PNISR: variants seen among roughly 807,000 people sequenced by gnomAD.
PNISR encodes the protein arginine/serine-rich protein PNISR.
In PNISR, 20 loss-of-function variants were observed where a neutral mutation model predicts 93.4. The ratio of observed to expected loss-of-function variants is 0.21; its 90% CI spans 0.15 to 0.31. The LOEUF (loss-of-function observed/expected upper bound fraction) is 0.31, where lower values mean the gene tolerates loss of function less well. PNISR is among the 10% of genes least tolerant of loss of function. The probability of loss-of-function intolerance (pLI) is 1.00; values close to 1 mark genes in which losing one functional copy is unlikely to be tolerated. For synonymous variants in PNISR, 305 were observed against 306.5 expected, an observed-to-expected ratio of 0.99 and a Z score of 0.05; for missense variants, 893 against 985.4, an observed-to-expected ratio of 0.91 and a Z score of 1.25.
intron 6 of PNISR, among the ~76,000 whole-genome samples, chr6:99,408,781 A>G (rs1001890227): frequency 3.9e-5 from 6 of 152,224 alleles, no homozygotes; most frequent in African/African-American, 1.2e-4. Context: ...TGAAATAACC[A>G]GAGGAAAATT....
chr6:99,407,434 G>C (rs563803663), intron 7 of PNISR, among the ~76,000 whole-genome samples: 3 of 151,542 alleles, frequency 2.0e-5, no homozygotes, highest in Non-Finnish European at 4.4e-5. Context: ...ATTTTGCATA[G>C]ATCTTTTGGG....
chr6:99,409,366 T>C, intron 5 of PNISR, 22 bp from the exon 6 acceptor site: 1 of 1,609,200 alleles, frequency 6.2e-7, no homozygotes, highest in East Asian at 2.2e-5. Context: ...TTGCAGTTTA[T>C]TTTTTCTTCA....
intron 6 of PNISR, among the ~76,000 whole-genome samples, chr6:99,408,626 C>G (rs1396428277): frequency 1.3e-5 from 2 of 152,186 alleles, no homozygotes; most frequent in Admixed American, 1.3e-4. Context: ...GATTTATTAA[C>G]AAATGCTCCT....
intron 1 of PNISR, among the ~76,000 whole-genome samples, chr6:99,417,467 T>C (rs1408409994): frequency 1.3e-5 from 2 of 152,204 alleles, no homozygotes; most frequent in African/African-American, 2.4e-5. Flanking sequence ...AAGTAAATTA[T>C]GCTCTAACCC....
chr6:99,412,046 C>G (rs1777005969), intron 4 of PNISR: 1 of 294,944 alleles, frequency 3.4e-6, no homozygotes, highest in Non-Finnish European at 6.7e-6. Context: ...ATAAAACAAA[C>G]AAAAAAGTAA....
At chr6:99,402,274 A>G (rs996521721) in intron 11 of PNISR, among the ~76,000 whole-genome samples, 5 of 152,236 alleles carry the variant, frequency 3.3e-5, no homozygotes, top group African/African-American at 9.6e-5. Flanking sequence ...ATAGTCTTAC[A>G]AATATATTTT....
chr6:99,404,780 G>A (rs1158391413), intron 8 of PNISR, 78 bp from the exon 9 acceptor site: 1 of 758,108 alleles, frequency 1.3e-6, no homozygotes, highest in Non-Finnish European at 2.2e-6. Flanking sequence ...ATATTAAAAT[G>A]CAAAGCCATT....
Position 99,400,629 on chromosome 6 carries a change from T to C in PNISR, c.2329A>G (p.Lys777Glu). 6.2e-7 allele frequency: 1 copy of C among 1,614,108 alleles called. No individual in the cohort carries two copies. Among genetic ancestry groups the C allele is most frequent in the Non-Finnish European group, 8.5e-7 (1 of 1,179,984 alleles). The change falls in exon 12 of 12, where the codon AAA becomes GAA. Residue 777 changes from lysine (K) to glutamate (E), a missense_variant. By Grantham distance (56) the Lys-to-Glu change is moderately conservative. Around this residue, in one of 3 missense-constraint regions of PNISR, gnomAD observed 866 missense variants for 935.1 expected, o/e 0.93. Transcript: ENST00000369239. ...TCCACGGATCGCGATCGACTATGTT[T>C]AGGCTTCTTAGCCTTCTTTTCTTTG... ...SSKEKKAKKPKHSRSRSVEKS... is the reference protein window; with the variant it reads ...SSKEKKAKKPEHSRSRSVEKS...
In PNISR at chr6:99,400,895, T is replaced by C. The variant is rs1775388492; in HGVS notation, c.2063A>G (p.Gln688Arg). The C allele has an allele frequency of 6.4e-7, 1 of 1,573,046 alleles. No individual in the cohort carries two copies. Among genetic ancestry groups the C allele is most frequent in the African/African-American group, 1.4e-5 (1 of 73,686 alleles). The change falls in exon 12 of 12, where the codon CAG becomes CGG. Residue 688 changes from glutamine (Q) to arginine (R), a missense_variant. This residue lies in a region of PNISR where 866 missense variants were observed against 935.1 expected (regional missense o/e 0.93). Coordinates refer to ENST00000369239, the MANE Select transcript of PNISR (RefSeq NM_032870.4). ...TTTTTGTTTCTCTTTTCTTTTATCC[T>C]GTTCACGTTCCCTTTCTTTGTCTTT... ...KKKDKERERE[Q>R]DKRKEKQKRE...
At chr6:99,402,842 G>T in intron 10 of PNISR, 132 bp from the exon 11 acceptor site, 1 of 619,984 alleles carries the variant, frequency 1.6e-6, no homozygotes, top group Non-Finnish European at 2.6e-6. Context: ...ATTCGGGGTG[G>T]GGAGAAGTAT....
intron 11 of PNISR, 100 bp downstream of exon 11, chr6:99,402,439 TA>T: frequency 1.1e-6 from 1 of 882,408 alleles, no homozygotes; most frequent in Non-Finnish European, 1.6e-6. Flanking sequence ...ATATTATTTA[TA>T]ATATAGCCTT....
rs978136444 is a variant in PNISR, at chr6:99,399,352, G to A, written c.*1188C>T. On this transcript the variant is annotated 3_prime_UTR_variant, in exon 12 of 12. Coordinates refer to ENST00000369239, the MANE Select transcript of PNISR (RefSeq NM_032870.4). ...GACCACTCACTAATCATAATTTTAA[G>A]AAACGGACAAAATCAGACAATTTTA... 6 of 152,004 alleles carry A rather than the reference G, an allele frequency of 3.9e-5. No homozygotes were observed. Among genetic ancestry groups the A allele is most frequent in the African/African-American group, 1.2e-4 (5 of 41,418 alleles). The allele number at this position is 152,004 out of a possible 1,614,324, so 9.4% of individuals were successfully genotyped here. A position where few individuals can be genotyped will look rare whatever the true frequency, so the allele number is the denominator to read the frequency against.
In PNISR at chr6:99,403,878, A is replaced by G; in HGVS notation, c.1107T>C (p.Pro369=). Residue 369 remains proline (P), a synonymous_variant, in exon 10 of 12, where the codon CCT becomes CCC. Transcript: ENST00000369239. ...KDAHRKATKA[P]AKQLAQSSAL... ...CACTGGACTGTGCCAGCTGTTTTGCAGGAGCTTTGTATCACATCAACAACA... is the reference window on the plus strand; with the variant it reads ...CACTGGACTGTGCCAGCTGTTTTGCGGGAGCTTTGTATCACATCAACAACA... 1 of 1,612,730 alleles carries G rather than the reference A, an allele frequency of 6.2e-7. No individual in the cohort carries two copies. Among genetic ancestry groups the G allele is most frequent in the Non-Finnish European group, 8.5e-7 (1 of 1,179,026 alleles).
intron 3 of PNISR, among the ~76,000 whole-genome samples, chr6:99,413,040 A>G (rs190060052): frequency 8.7e-4 from 132 of 152,336 alleles, no homozygotes; most frequent in African/African-American, 3.0e-3. Flanking sequence ...TAATTCATAT[A>G]AAATTTATCC....
chr6:99,414,613 T>C lies in PNISR; in HGVS notation c.47A>G (p.Gln16Arg). 2 of 1,608,488 alleles carry C rather than the reference T, an allele frequency of 1.2e-6. No individual in the cohort carries two copies. Among genetic ancestry groups the C allele is most frequent in the Non-Finnish European group, 1.7e-6 (2 of 1,175,384 alleles). Residue 16 changes from glutamine to arginine, a missense_variant, in exon 3 of 12, where the codon CAG becomes CGG. This residue lies in a region of PNISR where 24 missense variants were observed against 32.9 expected (regional missense o/e 0.73). Transcript: ENST00000369239. ...CTGGAATGACTGCATCCATTGTTGC[T>C]GGTTCAAGGGCCACTGCTGCCAAGG... ...GQPWQQWPLN[Q>R]QQWMQSFQHQ...
chr6:99,409,798 TTAAA>T (rs1258626131), intron 5 of PNISR: 1 of 153,696 alleles, frequency 6.5e-6, no homozygotes, highest in Non-Finnish European at 1.4e-5. Flanking sequence ...TAATGAATCA[TTAAA>T]TATTTTCTGC....
In PNISR at chr6:99,404,660, C is replaced by T. The variant is rs1196685680; in HGVS notation, c.1045G>A (p.Val349Ile). ...ACGTAATAAATTTCTTCATCTGTGA[C>T]ATCCAGCAGAATTTCTGTTAGAAGC... ...KMLLTEILLD[V>I]TDEEIYYVAK... is the part of the protein sequence containing the mutation. The change falls in exon 9 of 12, where the codon GTC becomes ATC. Residue 349 changes from valine (V) to isoleucine (I), a missense_variant. Physicochemically the swap from Val to Ile is conservative, Grantham distance 29. This residue lies in a region of PNISR where 866 missense variants were observed against 935.1 expected (regional missense o/e 0.93). Transcript: ENST00000369239. The T allele has an allele frequency of 2.5e-6, 4 of 1,605,832 alleles. No individual in the cohort carries two copies.
chr6:99,422,175 A>G (rs944565581), intron 1 of PNISR, among the ~76,000 whole-genome samples: 11 of 152,220 alleles, frequency 7.2e-5, no homozygotes, highest in African/African-American at 2.7e-4. Flanking sequence ...CAAAATGACA[A>G]TCATTAATAT....
At chr6:99,403,801 C>A in intron 10 of PNISR, 28 bp downstream of exon 10, 1 of 1,561,234 alleles carries the variant, frequency 6.4e-7, no homozygotes, top group Non-Finnish European at 8.8e-7. Flanking sequence ...TCCCTTTAGG[C>A]CCTCTCACAA....
Sources: allele counts gnomAD v4.1 joint callset (sites outside exome capture counted in the v4.1 genomes callset), GRCh38; gene constraint gnomAD v4.1.1; regional missense constraint gnomAD v4.1.1; transcripts MANE v1.5; gene names NCBI Gene and HGNC (gene_info 2026-07-23, HGNC 2026-07-21).